ZFYVE28: variants seen among roughly 807,000 people sequenced by gnomAD.
The protein encoded by ZFYVE28 is lateral signaling target protein 2 homolog.
Under a neutral mutation model 82.1 loss-of-function variants are expected in ZFYVE28, and 40 were observed. That is an observed-to-expected ratio of 0.49 (90% CI 0.38 to 0.63). The LOEUF (loss-of-function observed/expected upper bound fraction) is 0.63, where lower values mean the gene tolerates loss of function less well. ZFYVE28 is among the 30% of genes least tolerant of loss of function. The pLI, the probability that ZFYVE28 is intolerant of heterozygous loss-of-function variation, is 0.00. For synonymous variants in ZFYVE28, 612 were observed against 546.1 expected (o/e 1.12, Z -1.68); for missense variants, 1,321 against 1,242.1 (o/e 1.06, Z -0.96).
intron 2 of ZFYVE28, among the ~76,000 whole-genome samples, chr4:2,349,352 C>T (rs942923151): frequency 8.3e-6 from 1 of 121,126 alleles, no homozygotes; most frequent in Non-Finnish European, 1.6e-5. Flanking sequence ...GAACATCACA[C>T]TCTGGGGACT....
At chr4:2,353,906 G>A (rs2108882641) in intron 2 of ZFYVE28, 27 bp downstream of exon 2, 2 of 1,474,338 alleles carry the variant, frequency 1.4e-6, no homozygotes, top group African/African-American at 1.4e-5. Flanking sequence ...AGCGGGGCCA[G>A]CCAGCTTCTG....
At position 2,305,044 on chromosome 4, in the gene ZFYVE28, G is replaced by A. The variant is rs758071176; in HGVS notation, c.1296C>T (p.Asp432=). ...PFGWAGSTWA[D]PQEKGQGGPG... is the part of the protein sequence containing the mutation. ...GCCCACCCTGCCCTTTCTCCTGGGG[G>A]TCGGCCCAGGTACTGCCTGCCCACC... Residue 432 remains aspartate, a synonymous_variant, in exon 8 of 13, where the codon GAC becomes GAT. Transcript: ENST00000290974. The A allele has an allele frequency of 3.7e-6, 6 of 1,612,408 alleles. No homozygotes were observed. Among genetic ancestry groups the A allele is most frequent in the East Asian group, 4.5e-5 (2 of 44,888 alleles).
At position 2,332,995 on chromosome 4, in the gene ZFYVE28, C is replaced by T. The variant is rs1012686733; in HGVS notation, c.701+2710G>A. ...CTGGCTTTGGGCTCTTATGCCCTCT[C>T]GCCCTTCCTCCCTCCTTCAATCCAA... On this transcript the variant is annotated intron_variant, in intron 6 of 12. Transcript: ENST00000290974. The surrounding 1 kb of genome is among the most constrained non-coding windows in gnomAD (Gnocchi z 4.7). Among the ~76,000 whole-genome samples the T allele has an allele frequency of 1.1e-4, 16 of 152,038 alleles. No homozygotes were observed. The highest frequency in any genetic ancestry group is 2.4e-4 in the African/African-American group (10 of 41,384).
chr4:2,385,743 C>A (rs1409101295), intron 1 of ZFYVE28, among the ~76,000 whole-genome samples: 2 of 151,748 alleles, frequency 1.3e-5, no homozygotes, highest in African/African-American at 2.4e-5. Context: ...ACAAAAAAAA[C>A]AAAAAACACA....
At chr4:2,402,925 A>G (rs1731353870) in intron 1 of ZFYVE28, among the ~76,000 whole-genome samples, 1 of 152,162 alleles carries the variant, frequency 6.6e-6, no homozygotes, top group Non-Finnish European at 1.5e-5. Flanking sequence ...TAACACCAGC[A>G]TGGTCTTCAC....
At position 2,270,736 on chromosome 4, in the gene ZFYVE28, C is replaced by A; in HGVS notation, c.2653G>T (p.Ala885Ser). ...FHVTPFYSDK[A>S]GL ...CCCCTGGCACCACGTCACAGGCCGG[C>A]CTTGTCGCTGTAGAAGGGCGTGACA... The change falls in exon 13 of 13, where the codon GCC (alanine) becomes TCC (serine). Residue 885 changes from alanine to serine, a missense_variant. Physicochemically the swap from Ala to Ser is moderately conservative, Grantham distance 99 (BLOSUM62 1). Around this residue, in one of 2 missense-constraint regions of ZFYVE28, gnomAD observed 978 missense variants for 833.7 expected, o/e 1.17. Transcript: ENST00000290974. The A allele has an allele frequency of 6.2e-7, 1 of 1,613,150 alleles. No homozygotes were observed. The highest frequency in any genetic ancestry group is 8.5e-7 in the Non-Finnish European group (1 of 1,179,904).
chr4:2,273,287 C>T lies in ZFYVE28; in HGVS notation c.2209G>A (p.Val737Met). The change falls in exon 10 of 13, where the codon GTG becomes ATG. Residue 737 changes from valine to methionine, a missense_variant and splice_region_variant. Val to Met is a conservative substitution (Grantham distance 21, BLOSUM62 1). Around this residue, in one of 2 missense-constraint regions of ZFYVE28, gnomAD observed 978 missense variants for 833.7 expected, o/e 1.17. Coordinates refer to ENST00000290974, the MANE Select transcript of ZFYVE28 (RefSeq NM_020972.3). ...IHRLFVCISG[V>M]ADQLQTNYAS... Reference sequence around the variant, plus strand: ...TAGTTCGTCTGCAGCTGGTCAGCCACACCTGAGGAAGGAAGGCCACAGTAA... The same window carrying T: ...TAGTTCGTCTGCAGCTGGTCAGCCATACCTGAGGAAGGAAGGCCACAGTAA... The T allele has an allele frequency of 2.5e-6, 4 of 1,610,990 alleles. No homozygotes were observed. Among genetic ancestry groups the T allele is most frequent in the Non-Finnish European group, 3.4e-6 (4 of 1,179,242 alleles).
intron 1 of ZFYVE28, among the ~76,000 whole-genome samples, chr4:2,360,288 C>T (rs1261048021): frequency 6.6e-6 from 1 of 151,942 alleles, no homozygotes; most frequent in Non-Finnish European, 1.5e-5. Flanking sequence ...CATCAGTGCC[C>T]ACAAGCAAAT....
At chr4:2,396,049 A>G (rs116608013) in intron 1 of ZFYVE28, among the ~76,000 whole-genome samples, 6,370 of 137,620 alleles carry the variant, frequency 0.046, 198 homozygotes, top group Non-Finnish European at 0.072. Flanking sequence ...CTGATGGGAC[A>G]AGCTATCCTG....
intron 8 of ZFYVE28, among the ~76,000 whole-genome samples, chr4:2,292,505 G>C (rs1354140582): frequency 6.6e-6 from 1 of 152,220 alleles, no homozygotes; most frequent in East Asian, 1.9e-4. Context: ...GGCCAGATCA[G>C]GTCATCGAGT....
At chr4:2,283,100 T>TCATCCATCCATCCATCCATC (rs60881791) in intron 8 of ZFYVE28, among the ~76,000 whole-genome samples, 18,740 of 147,938 alleles carry the variant, frequency 0.13, 2,004 homozygotes, top group African/African-American at 0.29. Context: ...CTTGTAAAAG[T>TCATCCATCCATCCATCCATC]CATCCATCCA....
intron 1 of ZFYVE28, among the ~76,000 whole-genome samples, chr4:2,407,429 C>T (rs908401341): frequency 6.6e-6 from 1 of 151,822 alleles, no homozygotes; most frequent in East Asian, 1.9e-4. Context: ...TCAGATGCTG[C>T]GTTCTGAGCA....
chr4:2,389,637 C>T (rs1353109387), intron 1 of ZFYVE28, among the ~76,000 whole-genome samples: 3 of 152,190 alleles, frequency 2.0e-5, no homozygotes, highest in African/African-American at 2.4e-5. Flanking sequence ...GACAGCCCTG[C>T]GTTGGAAGCA....
At chr4:2,353,221 G>C (rs1326875057) in intron 2 of ZFYVE28, among the ~76,000 whole-genome samples, 1 of 152,228 alleles carries the variant, frequency 6.6e-6, no homozygotes, top group Non-Finnish European at 1.5e-5. Flanking sequence ...GGGCTGGGGT[G>C]CAGCCAGCTT....
intron 8 of ZFYVE28, among the ~76,000 whole-genome samples, chr4:2,276,537 C>T (rs1290789123): frequency 6.6e-6 from 1 of 152,130 alleles, no homozygotes; most frequent in Non-Finnish European, 1.5e-5. Flanking sequence ...TTCATAGCGG[C>T]CAAGAGACGG....
chr4:2,294,066 C>A (rs911333723), intron 8 of ZFYVE28, among the ~76,000 whole-genome samples: 15 of 146,864 alleles, frequency 1.0e-4, no homozygotes, highest in Non-Finnish European at 2.2e-4. Context: ...AATCAAAATC[C>A]CAGCAGGCTT....
chr4:2,305,656 G>T (rs750138363), intron 7 of ZFYVE28, 120 bp from the exon 8 acceptor site: 22 of 1,203,018 alleles, frequency 1.8e-5, no homozygotes, highest in Non-Finnish European at 2.6e-5. Context: ...GGCACTGAAT[G>T]CTTGCAACTG....
chr4:2,378,064 G>A (rs1374452920), intron 1 of ZFYVE28, among the ~76,000 whole-genome samples: 1 of 152,234 alleles, frequency 6.6e-6, no homozygotes, highest in Non-Finnish European at 1.5e-5. Context: ...AACAGGCTGG[G>A]CGCGGTGGCT....
rs1010729869 is a variant in ZFYVE28, at chr4:2,335,634, G to A, written c.701+71C>T. 4.0e-5 allele frequency: 58 copies of A among 1,447,878 alleles called. 1 individual carries two copies. The highest frequency in any genetic ancestry group is 2.6e-4 in the South Asian group (21 of 81,868). 89.7% of individuals were successfully genotyped at this position (1,447,878 alleles called of 1,614,324 possible). ...AGACGCCATGGACCGGCACCCGCAC[G>A]GGACCTGGCACCATCAGCCCTGCCC... On this transcript the variant is annotated intron_variant, in intron 6 of 12. Coordinates refer to ENST00000290974, the MANE Select transcript of ZFYVE28 (RefSeq NM_020972.3). The surrounding 1 kb of genome is among the most constrained non-coding windows in gnomAD (Gnocchi z 5.8).
Sources: allele counts gnomAD v4.1 joint callset (sites outside exome capture counted in the v4.1 genomes callset), GRCh38; gene constraint gnomAD v4.1.1; regional missense constraint gnomAD v4.1.1; non-coding constraint Gnocchi (gnomAD v3.1); transcripts MANE v1.5; gene names NCBI Gene and HGNC (gene_info 2026-07-23, HGNC 2026-07-21).